TENM2: variants seen among roughly 807,000 people sequenced by gnomAD.
TENM2 encodes the protein teneurin-2.
TENM2 carries 52 observed loss-of-function variants against 245.2 expected under a neutral mutation model. The observed-to-expected ratio is 0.21, with a 90% CI of 0.17 to 0.27. The LOEUF (loss-of-function observed/expected upper bound fraction) is 0.27, where lower values mean the gene tolerates loss of function less well. Among genes scored for constraint, TENM2 ranks in the 10% least tolerant of loss-of-function variants. TENM2 has a pLI of 1.00. For synonymous variants in TENM2, 1,363 were observed against 1,438.9 expected, an observed-to-expected ratio of 0.95 and a Z score of 1.19; for missense variants, 3,046 against 3,666.8, an observed-to-expected ratio of 0.83 and a Z score of 4.37.
At chr5:167,010,916 A>C in the TENM2 span, among the ~76,000 whole-genome samples, 1 of 152,312 alleles carries the variant, frequency 6.6e-6, no homozygotes, top group South Asian at 2.1e-4. Flanking sequence ...TCAGTACTTT[A>C]TAAATATTAC....
intron 2 of TENM2, among the ~76,000 whole-genome samples, chr5:167,627,836 C>T (rs977157176): frequency 3.3e-5 from 5 of 152,080 alleles, no homozygotes; most frequent in African/African-American, 9.7e-5. Context: ...GGATTACAGG[C>T]GTGAGCCACC....
intron 2 of TENM2, among the ~76,000 whole-genome samples, chr5:167,606,417 G>T (rs1476135773): frequency 6.6e-6 from 1 of 152,086 alleles, no homozygotes; most frequent in Non-Finnish European, 1.5e-5. Flanking sequence ...GGGAAAAGGA[G>T]GGATGGGAAG....
intron 27 of TENM2, among the ~76,000 whole-genome samples, chr5:168,257,618 T>TA (rs2152714651): frequency 1.7e-5 from 1 of 60,036 alleles, no homozygotes; most frequent in East Asian, 2.6e-4. Context: ...GCTCCTGATT[T>TA]TTTTTTTTTT....
chr5:167,594,284 A>G lies in TENM2; in HGVS notation c.502+218811A>G, dbSNP rs182000176. On this transcript the variant is annotated intron_variant, in intron 2 of 28. Coordinates refer to ENST00000518659, the Ensembl canonical transcript of TENM2. ...GAAGTTGTATTCCCCATTGATAGATAACATCAGACTTTGCACCTAAATGCA... is the reference window on the plus strand; with the variant it reads ...GAAGTTGTATTCCCCATTGATAGATGACATCAGACTTTGCACCTAAATGCA... Among the ~76,000 whole-genome samples, 14 of 152,332 alleles carry G rather than the reference A, an allele frequency of 9.2e-5. No homozygotes were observed. In the East Asian group the frequency reaches 2.5e-3, roughly 27 times the overall value.
At chr5:167,486,421 C>T (rs527460751) in intron 2 of TENM2, among the ~76,000 whole-genome samples, 6 of 151,632 alleles carry the variant, frequency 4.0e-5, no homozygotes, top group East Asian at 3.9e-4. Flanking sequence ...CTCTGCCTCC[C>T]GGGTTCACGC....
intron 28 of TENM2, 79 bp downstream of exon 30, chr5:168,260,492 G>T (rs1768084346): frequency 2.0e-6 from 3 of 1,526,234 alleles, no homozygotes; most frequent in Admixed American, 3.5e-5. Flanking sequence ...GGAGCCAGGG[G>T]CATGTCAGCG....
rs143986976 is a variant in TENM2, at chr5:167,957,225, T to A, written c.947+4403T>A. ...TGAGAGGGTGTATGTGTCCAGCAAT[T>A]TATCCATTTCTTCTAGATTTTCTGG... On this transcript the variant is annotated intron_variant, in intron 4 of 28. Coordinates refer to ENST00000518659, the Ensembl canonical transcript of TENM2. Among the ~76,000 whole-genome samples, 14 of 152,306 alleles carry A rather than the reference T, an allele frequency of 9.2e-5. 1 individual carries two copies. The highest frequency in any genetic ancestry group is 2.1e-4 in the Non-Finnish European group (14 of 68,024).
At chr5:167,161,517 AG>A in the TENM2 span, among the ~76,000 whole-genome samples, 1 of 152,248 alleles carries the variant, frequency 6.6e-6, no homozygotes, top group Non-Finnish European at 1.5e-5. Context: ...GTTATTGTGG[AG>A]AAGATATGAG....
intron 2 of TENM2, among the ~76,000 whole-genome samples, chr5:167,601,269 A>G (rs1449338465): frequency 6.6e-6 from 1 of 152,260 alleles, no homozygotes; most frequent in Non-Finnish European, 1.5e-5. Flanking sequence ...CTAAACTCAC[A>G]TTTCTAAGAC....
chr5:168,226,341 A>G, intron 24 of TENM2, 78 bp downstream of exon 26: 1 of 1,411,688 alleles, frequency 7.1e-7, no homozygotes, highest in Non-Finnish European at 9.7e-7. Context: ...CATGTGAGTT[A>G]TGCAGCCTGG....
chr5:168,124,306 G>A (rs993941052), intron 10 of TENM2, among the ~76,000 whole-genome samples: 21 of 152,172 alleles, frequency 1.4e-4, no homozygotes, highest in Non-Finnish European at 1.2e-4. Context: ...TTTAGACTTA[G>A]CCTAAGTGAA....
At chr5:167,962,570 A>G (rs973146635) in intron 4 of TENM2, among the ~76,000 whole-genome samples, 1 of 152,214 alleles carries the variant, frequency 6.6e-6, no homozygotes, top group African/African-American at 2.4e-5. Flanking sequence ...GCTAATAAAG[A>G]CATACCCGAG....
intron 2 of TENM2, among the ~76,000 whole-genome samples, chr5:167,697,768 G>A (rs1328581357): frequency 6.6e-6 from 1 of 152,094 alleles, no homozygotes; most frequent in Admixed American, 6.6e-5. Context: ...CAGGTGATCT[G>A]CCCGCCTCAA....
chr5:167,500,498 A>G (rs572706919), intron 2 of TENM2, among the ~76,000 whole-genome samples: 1 of 152,268 alleles, frequency 6.6e-6, no homozygotes, highest in South Asian at 2.1e-4. Flanking sequence ...AAAAAATAAA[A>G]AGAAATGGAT....
chr5:167,659,016 A>G (rs1305997163), intron 2 of TENM2, among the ~76,000 whole-genome samples: 2 of 152,196 alleles, frequency 1.3e-5, no homozygotes, highest in Admixed American at 6.5e-5. Flanking sequence ...ACTCTTTTCA[A>G]ATAAACACTG....
At chr5:168,024,609 G>A (rs1246613841) in intron 5 of TENM2, among the ~76,000 whole-genome samples, 2 of 152,276 alleles carry the variant, frequency 1.3e-5, no homozygotes, top group African/African-American at 2.4e-5. Context: ...GAGAGTTCAC[G>A]CTGAGCTCCT....
chr5:167,725,436 T>C (rs1289305182), intron 2 of TENM2, among the ~76,000 whole-genome samples: 1 of 152,186 alleles, frequency 6.6e-6, no homozygotes, highest in Non-Finnish European at 1.5e-5. Flanking sequence ...ATCTGGCATA[T>C]TTTTCTCCTA....
chr5:167,537,378 G>A (rs984180811), intron 2 of TENM2, among the ~76,000 whole-genome samples: 7 of 152,046 alleles, frequency 4.6e-5, no homozygotes, highest in Middle Eastern at 3.2e-3. Flanking sequence ...TGCTGGTCAC[G>A]TAGTGACAAT....
At chr5:167,426,280 C>G (rs1214684642) in intron 2 of TENM2, among the ~76,000 whole-genome samples, 1 of 152,122 alleles carries the variant, frequency 6.6e-6, no homozygotes, top group Non-Finnish European at 1.5e-5. Context: ...ATGCGCACTT[C>G]TATTCACAAT....
Sources: allele counts gnomAD v4.1 joint callset (sites outside exome capture counted in the v4.1 genomes callset), GRCh38; gene constraint gnomAD v4.1.1; transcripts MANE v1.5; gene names NCBI Gene and HGNC (gene_info 2026-07-23, HGNC 2026-07-21).